HSPA12A: variants seen among roughly 807,000 people sequenced by gnomAD.
HSPA12A encodes heat shock protein family A (Hsp70) member 12A.
HSPA12A carries 28 observed loss-of-function variants against 69.2 expected under a neutral mutation model. The ratio of observed to expected loss-of-function variants is 0.40; its 90% CI spans 0.30 to 0.55. The LOEUF (loss-of-function observed/expected upper bound fraction) is 0.55, where lower values mean the gene tolerates loss of function less well. Among genes scored for constraint, HSPA12A ranks in the 20% least tolerant of loss-of-function variants. HSPA12A has a pLI of 0.38. For missense variants in HSPA12A, 686 were observed against 900.7 expected (o/e 0.76, Z 3.05); for synonymous variants, 345 against 370.5 (o/e 0.93, Z 0.79).
At chr10:116,810,062 C>A (rs751578731) in intron 2 of HSPA12A, among the ~76,000 whole-genome samples, 10 of 152,182 alleles carry the variant, frequency 6.6e-5, no homozygotes, top group Non-Finnish European at 1.5e-4. Flanking sequence ...CTGAGCAGCG[C>A]TTAACAAATA....
At chr10:116,785,986 A>T (rs1844567533) in intron 2 of HSPA12A, among the ~76,000 whole-genome samples, 1 of 151,964 alleles carries the variant, frequency 6.6e-6, no homozygotes, top group African/African-American at 2.4e-5. Flanking sequence ...CCTGGGAGAC[A>T]TCCCGACTCC....
intron 2 of HSPA12A, among the ~76,000 whole-genome samples, chr10:116,819,633 G>A (rs184703973): frequency 2.6e-5 from 4 of 152,288 alleles, no homozygotes; most frequent in East Asian, 3.9e-4. Flanking sequence ...AGCAATAAAT[G>A]TCTGTTGTTT....
In HSPA12A at chr10:116,839,158, G is replaced by A. The variant is rs190461593; in HGVS notation, c.4-4136C>T. 1.2e-3 allele frequency among the ~76,000 whole-genome samples: 184 copies of A among 152,260 alleles called. 2 individuals carry two copies. Among genetic ancestry groups the A allele is most frequent in the Non-Finnish European group, 9.0e-4 (61 of 68,014 alleles). On this transcript the variant is annotated intron_variant, in intron 1 of 12. Transcript: ENST00000635765. ...GGAAAACGACATCAATCTGAACTTTGTTTTATAGCTCCTGAATTAATATAG... is the reference window on the plus strand; with the variant it reads ...GGAAAACGACATCAATCTGAACTTTATTTTATAGCTCCTGAATTAATATAG...
chr10:116,696,090 T>C (rs1849894664), intron 5 of HSPA12A, among the ~76,000 whole-genome samples: 1 of 151,374 alleles, frequency 6.6e-6, no homozygotes, highest in Admixed American at 6.6e-5. Flanking sequence ...GGATGCTGCA[T>C]TGAAGGCTCC....
chr10:116,798,274 C>G (rs922508817), intron 2 of HSPA12A, among the ~76,000 whole-genome samples: 20 of 152,088 alleles, frequency 1.3e-4, no homozygotes, highest in African/African-American at 4.8e-4. Flanking sequence ...GAGACGGCCA[C>G]CAAGGTAACC....
chr10:116,753,945 T>C (rs1843763477), intron 2 of HSPA12A, among the ~76,000 whole-genome samples: 1 of 152,204 alleles, frequency 6.6e-6, no homozygotes. Context: ...TGCTGGGCAC[T>C]AAGCCAAGCA....
chr10:116,828,137 T>C (rs1209200343), intron 2 of HSPA12A, among the ~76,000 whole-genome samples: 4 of 152,226 alleles, frequency 2.6e-5, no homozygotes, highest in Non-Finnish European at 5.9e-5. Flanking sequence ...CAGGCATTTA[T>C]AGAATAAAAG....
chr10:116,768,276 T>C (rs1844124405), intron 2 of HSPA12A, among the ~76,000 whole-genome samples: 1 of 152,214 alleles, frequency 6.6e-6, no homozygotes, highest in Admixed American at 6.5e-5. Context: ...TTTGATTCCA[T>C]TTATATGAAA....
intron 2 of HSPA12A, among the ~76,000 whole-genome samples, chr10:116,779,587 G>A (rs1844417967): frequency 6.6e-6 from 1 of 152,142 alleles, no homozygotes; most frequent in Non-Finnish European, 1.5e-5. Context: ...AGGCTACTCT[G>A]TCAGCCCCAG....
chr10:116,684,879 C>A, intron 6 of HSPA12A, among the ~76,000 whole-genome samples: 1 of 152,076 alleles, frequency 6.6e-6, no homozygotes, highest in Non-Finnish European at 1.5e-5. Flanking sequence ...TTCAGAAGGG[C>A]CAGCTCAAGA....
Position 116,681,812 on chromosome 10 carries a change from T to C in HSPA12A, c.901A>G (p.Ile301Val). ...CTACCTTCCTCCAGCTCGGACCAGA[T>C]TTCTCCTATGACATTCTCCACCAAA... ...TFLVENVIGE[I>V]WSELEEGDKY... The change falls in exon 8 of 12, where the codon ATC becomes GTC. Residue 301 changes from isoleucine to valine, a missense_variant. Physicochemically the swap from Ile to Val is conservative, Grantham distance 29 (BLOSUM62 3). Coordinates refer to ENST00000369209, the MANE Select transcript of HSPA12A (RefSeq NM_025015.3). The C allele has an allele frequency of 6.2e-7, 1 of 1,614,066 alleles. No homozygotes were observed. The highest frequency in any genetic ancestry group is 8.5e-7 in the Non-Finnish European group (1 of 1,179,944).
In HSPA12A at chr10:116,672,083, A is replaced by C. The variant is rs1335282408; in HGVS notation, c.*2698T>G. Reference sequence around the variant, plus strand: ...GTACACAGGGAGATAGCATTAATGCAAGGCAGGAAAGGCTTTACATTAGCC... The same window carrying C: ...GTACACAGGGAGATAGCATTAATGCCAGGCAGGAAAGGCTTTACATTAGCC... On this transcript the variant is annotated 3_prime_UTR_variant, in exon 12 of 12. Transcript: ENST00000369209. The C allele has an allele frequency of 1.3e-5, 2 of 152,242 alleles. No individual in the cohort carries two copies. Among genetic ancestry groups the C allele is most frequent in the African/African-American group, 4.8e-5 (2 of 41,464 alleles). The allele number at this position is 152,242 out of a possible 1,614,324, so 9.4% of individuals were successfully genotyped here.
intron 2 of HSPA12A, among the ~76,000 whole-genome samples, chr10:116,823,569 G>C (rs1845444556): frequency 6.6e-6 from 1 of 152,192 alleles, no homozygotes; most frequent in African/African-American, 2.4e-5. Flanking sequence ...CAATGGAATA[G>C]AATTTCAGAG....
intron 2 of HSPA12A, among the ~76,000 whole-genome samples, chr10:116,796,065 G>A (rs1681732): frequency 0.82 from 121,409 of 148,010 alleles, 51,813 homozygotes; most frequent in Non-Finnish European, 0.93. Context: ...GGAGAATGAC[G>A]TGAACCCAGG....
rs1443356948 is a variant in HSPA12A at position 116,819,616 on chromosome 10, A to AGC, written c.91+15318_91+15319insGC. On this transcript the variant is annotated intron_variant, in intron 2 of 12. Transcript: ENST00000635765. Reference sequence around the variant, plus strand: ...TGATTTTGGACTTCCCAGCCTCCAGAACTGTGAGCAATAAATGTCTGTTGT... The same window carrying AGC: ...TGATTTTGGACTTCCCAGCCTCCAGAGCACTGTGAGCAATAAATGTCTGTTGT... 9.8e-3 allele frequency among the ~76,000 whole-genome samples: 1,497 copies of AGC among 152,280 alleles called. 21 individuals are homozygous for AGC. Among genetic ancestry groups the AGC allele is most frequent in the African/African-American group, 0.033 (1,391 of 41,556 alleles).
chr10:116,699,479 CT>C (rs1850017285), intron 4 of HSPA12A, among the ~76,000 whole-genome samples: 1 of 132,040 alleles, frequency 7.6e-6, no homozygotes, highest in African/African-American at 3.0e-5. Flanking sequence ...AACCAACAAA[CT>C]CATTACTGCC....
At chr10:116,722,044 G>C (rs1278868412) in intron 1 of HSPA12A, among the ~76,000 whole-genome samples, 1 of 152,206 alleles carries the variant, frequency 6.6e-6, no homozygotes, top group South Asian at 2.1e-4. Flanking sequence ...GGGCACCCAG[G>C]GTGGTCTGTC....
chr10:116,690,801 CT>C (rs111936724), intron 6 of HSPA12A, among the ~76,000 whole-genome samples: 64 of 148,356 alleles, frequency 4.3e-4, no homozygotes, highest in African/African-American at 7.9e-4. Context: ...CTGCACCTCT[CT>C]TTTTTTTTTT....
chr10:116,805,065 C>T (rs181115545), intron 2 of HSPA12A, among the ~76,000 whole-genome samples: 1 of 152,268 alleles, frequency 6.6e-6, no homozygotes. Flanking sequence ...GCCTGTAACC[C>T]CAGCACTTTG....
Sources: gnomAD v4.1 joint callset for allele counts (sites outside exome capture counted in the v4.1 genomes callset) on GRCh38, gnomAD v4.1.1 for gene constraint, MANE v1.5 for transcripts, NCBI Gene and HGNC (gene_info 2026-07-23, HGNC 2026-07-21) for gene names.